The following TAGAP variants were observed in gnomAD, a reference collection of about 807,000 sequenced individuals.
TAGAP encodes the protein T cell activation RhoGTPase activating protein.
TAGAP carries 16 observed loss-of-function variants against 36.0 expected under a neutral mutation model. The observed-to-expected ratio is 0.44, with a 90% CI of 0.30 to 0.68. The LOEUF (loss-of-function observed/expected upper bound fraction) is 0.68, where lower values mean the gene tolerates loss of function less well. Ranked by LOEUF, TAGAP falls within the 30% of genes least tolerant of loss-of-function variation. TAGAP has a pLI of 0.09. For missense variants in TAGAP, 794 were observed against 921.5 expected (o/e 0.86, Z 1.79); for synonymous variants, 372 against 377.4 (o/e 0.99, Z 0.17).
chr6:159,039,819 A>G (rs1447009117), intron 7 of TAGAP, among the ~76,000 whole-genome samples: 1 of 152,248 alleles, frequency 6.6e-6, no homozygotes, highest in African/African-American at 2.4e-5. Flanking sequence ...ATGTTCATAT[A>G]AGGCGGCACT....
At chr6:159,043,535 A>C in intron 4 of TAGAP, 54 bp downstream of exon 4, 1 of 1,565,318 alleles carries the variant, frequency 6.4e-7, no homozygotes, top group Non-Finnish European at 8.8e-7. Flanking sequence ...TTGCAAACCA[A>C]GAGCACTGGT....
Position 159,040,795 on chromosome 6 carries a change from C to T in TAGAP, c.515G>A (p.Ser172Asn), listed in dbSNP as rs781016202. 6.8e-6 allele frequency: 11 copies of T among 1,614,200 alleles called. No individual in the cohort carries two copies. The Admixed American group carries it at 1.2e-4, about 17-fold the overall frequency. The change falls in exon 7 of 10, where the codon AGC becomes AAC. Residue 172 changes from serine (S) to asparagine (N), a missense_variant. Ser to Asn is a conservative substitution (Grantham distance 46). Transcript: ENST00000367066. ...LRSIPRKLLS[S>N]DLFEEWMGAL... ...ACCCATCCACTCCTCAAAGAGGTCG[C>T]TTGAAAGTAGCTTCCGGGGGATACT...
chr6:159,040,915 G>A (rs774909005), intron 6 of TAGAP, 83 bp from the exon 7 acceptor site: 6 of 1,043,478 alleles, frequency 5.8e-6, no homozygotes, highest in Admixed American at 3.8e-5. Flanking sequence ...TCGTTCCATC[G>A]CAGGGTGCTC....
chr6:159,042,114 G>GATA lies in TAGAP; in HGVS notation c.276_278dup (p.Ile93dup). 6.2e-7 allele frequency: 1 copy of GATA among 1,614,224 alleles called. No homozygotes were observed. Among genetic ancestry groups the GATA allele is most frequent in the Non-Finnish European group, 8.5e-7 (1 of 1,180,040 alleles). ...TGGGGAGTGTGTCACTGTCACCGCAGATAATTGACAAGGGCTGATCAAATA... is the reference window on the plus strand; with the variant it reads ...TGGGGAGTGTGTCACTGTCACCGCAGATAATAATTGACAAGGGCTGATCAAATA... On this transcript the variant is annotated inframe_insertion, in exon 5 of 10. Transcript: ENST00000367066.
At position 159,036,100 on chromosome 6, in the gene TAGAP, G is replaced by A; in HGVS notation, c.1923C>T (p.His641=). The change falls in exon 10 of 10, where the codon CAC becomes CAT. Residue 641 remains histidine, a synonymous_variant. Transcript: ENST00000367066. The surrounding 1 kb of genome is among the most constrained non-coding windows in gnomAD (Gnocchi z 4.9). The part of the protein sequence containing the change: ...HCLLPPLPPA[H]HVEDSRHRGS... ...CCCTGTGTCTTGAGTCCTCTACGTG[G>A]TGAGCAGGTGGAAGAGGGGGTAGGA... The A allele has an allele frequency of 6.2e-7, 1 of 1,613,828 alleles. No individual in the cohort carries two copies. Among genetic ancestry groups the A allele is most frequent in the South Asian group, 1.1e-5 (1 of 91,064 alleles).
At chr6:159,043,350 G>A (rs1003392427) in intron 4 of TAGAP, among the ~76,000 whole-genome samples, 17 of 152,180 alleles carry the variant, frequency 1.1e-4, no homozygotes, top group African/African-American at 3.6e-4. Context: ...AGATTGAACC[G>A]CATTAAAAAC....
At chr6:159,042,471 C>T in intron 4 of TAGAP, 5 of 883,382 alleles carry the variant, frequency 5.7e-6, no homozygotes, top group Non-Finnish European at 7.9e-6. Flanking sequence ...CCCTAAACAG[C>T]AACACCAGAG....
At chr6:159,040,986 C>T (rs1184356603) in intron 6 of TAGAP, 154 bp from the exon 7 acceptor site, 8 of 635,850 alleles carry the variant, frequency 1.3e-5, no homozygotes, top group Non-Finnish European at 1.1e-5. Context: ...TCCAGGGAAC[C>T]CTCTCTCCAA....
intron 1 of TAGAP, 126 bp downstream of exon 1, chr6:159,044,753 C>G (rs1485937164): frequency 2.5e-6 from 1 of 392,846 alleles, no homozygotes; most frequent in Non-Finnish European, 4.5e-6. Flanking sequence ...AAGCTTTGTC[C>G]TGAGACTTTA....
rs567097355 is a variant in TAGAP, at chr6:159,036,276, G to C, written c.1747C>G (p.Gln583Glu). The C allele has an allele frequency of 1.2e-6, 2 of 1,612,240 alleles. No individual in the cohort carries two copies. The highest frequency in any genetic ancestry group is 2.2e-5 in the East Asian group (1 of 44,840). ...PHALSVDDVF[Q>E]GADWERPGSP... ...CCAGGCCTCTCCCAGTCAGCTCCCT[G>C]GAACACATCATCCACCGAGAGGGCG... Residue 583 changes from glutamine (Q) to glutamate (E), a missense_variant, in exon 10 of 10, where the codon CAG (glutamine) becomes GAG (glutamate). By Grantham distance (29) the Gln-to-Glu change is conservative (BLOSUM62 2). Coordinates refer to ENST00000367066, the MANE Select transcript of TAGAP (RefSeq NM_054114.5). This position sits in a 1 kb window ranked among gnomAD's most constrained non-coding sequence, Gnocchi z 4.9.
intron 3 of TAGAP, 120 bp from the exon 4 acceptor site, chr6:159,043,775 A>T (rs1779839556): frequency 9.0e-7 from 1 of 1,112,232 alleles, no homozygotes; most frequent in Non-Finnish European, 1.3e-6. Context: ...GAGTGCATTG[A>T]TGTTTTTTCT....
In TAGAP at chr6:159,039,320, G is replaced by A. The variant is rs1216833326; in HGVS notation, c.588-11C>T. On this transcript the variant is annotated splice_polypyrimidine_tract_variant and intron_variant, in intron 7 of 9. Coordinates refer to ENST00000367066, the MANE Select transcript of TAGAP (RefSeq NM_054114.5). ...AGCTTATCTGCAACCCTGGAATAAA[G>A]TGAAGGGATGTTAGTTTTCAAAAAG... 1 of 1,608,598 alleles carries A rather than the reference G, an allele frequency of 6.2e-7. No homozygotes were observed. The highest frequency in any genetic ancestry group is 2.2e-5 in the East Asian group (1 of 44,730).
At chr6:159,038,669 CG>C (rs1779643234) in intron 8 of TAGAP, among the ~76,000 whole-genome samples, 1 of 152,096 alleles carries the variant, frequency 6.6e-6, no homozygotes, top group African/African-American at 2.4e-5. Context: ...AGATTTCAGA[CG>C]TGAGCCACCA....
In TAGAP at chr6:159,037,974, C is replaced by G; in HGVS notation, c.898+140G>C. 1 of 569,834 alleles carries G rather than the reference C, an allele frequency of 1.8e-6. No homozygotes were observed. 35.3% of individuals were successfully genotyped at this position (569,834 alleles called of 1,614,324 possible). A position where few individuals can be genotyped will look rare whatever the true frequency, so the allele number is the denominator to read the frequency against. On this transcript the variant is annotated intron_variant, in intron 9 of 9. Transcript: ENST00000367066. This position sits in a 1 kb window ranked among gnomAD's most constrained non-coding sequence, Gnocchi z 5.1. The stretch of plus-strand genomic sequence containing the variant: ...GCAGGGTTTTCATGTTTAATGACTT[C>G]CTAATGGACTGGAGTCTAGTCTGAC...
chr6:159,038,153 TACTGGAATGC>T lies in TAGAP; in HGVS notation c.849_858del (p.His284SerfsTer73). The T allele has an allele frequency of 6.2e-7, 1 of 1,613,552 alleles. No individual in the cohort carries two copies. Among genetic ancestry groups the T allele is most frequent in the Middle Eastern group, 1.7e-4 (1 of 6,058 alleles). On this transcript the variant is annotated frameshift_variant, in exon 9 of 10. Coordinates refer to ENST00000367066, the MANE Select transcript of TAGAP (RefSeq NM_054114.5). LOFTEE classifies it low-confidence loss of function (END_TRUNC). ...TGCTCCAGGGAGTCATCAGAAGTGA[TACTGGAATGC>T]ACTGGAATGTTCTCCCCAAATATTT...
chr6:159,042,913 T>C (rs1479485876), intron 4 of TAGAP: 1 of 152,602 alleles, frequency 6.6e-6, no homozygotes, highest in Non-Finnish European at 1.5e-5. Flanking sequence ...CAAAACGTTA[T>C]CAAGATATTC....
At position 159,041,687 on chromosome 6, in the gene TAGAP, T is replaced by G. The variant is rs1170277347; in HGVS notation, c.316-172A>C. The G allele has an allele frequency of 1.4e-6, 1 of 717,972 alleles. No homozygotes were observed. The highest frequency in any genetic ancestry group is 2.2e-6 in the Non-Finnish European group (1 of 460,470). The allele number at this position is 717,972 out of a possible 1,614,324, so 44.5% of individuals were successfully genotyped here. ...GGAGGCAAATTGTGAAAGCTCTAAT[T>G]TTGCACTTTCTAAAATCACTTTGGA... On this transcript the variant is annotated intron_variant, in intron 5 of 9. Transcript: ENST00000367066. This position sits in a 1 kb window ranked among gnomAD's most constrained non-coding sequence, Gnocchi z 4.1.
intron 4 of TAGAP, 99 bp from the exon 5 acceptor site, chr6:159,042,343 G>C: frequency 6.6e-7 from 1 of 1,511,586 alleles, no homozygotes; most frequent in Admixed American, 2.3e-5. Context: ...GCATAATGTG[G>C]TCAATAGTAT....
chr6:159,039,475 C>T (rs1746634569), intron 7 of TAGAP, among the ~76,000 whole-genome samples, 166 bp from the exon 8 acceptor site: 1 of 152,194 alleles, frequency 6.6e-6, no homozygotes, highest in African/African-American at 2.4e-5. Context: ...GCAACTGACA[C>T]AGAGTGAGAC....
Sources: gnomAD v4.1 joint callset for allele counts (sites outside exome capture counted in the v4.1 genomes callset) on GRCh38, gnomAD v4.1.1 for gene constraint, Gnocchi (gnomAD v3.1) non-coding constraint, MANE v1.5 for transcripts, NCBI Gene and HGNC (gene_info 2026-07-23, HGNC 2026-07-21) for gene names.